The following ALLC variants were observed in gnomAD, a reference collection of about 807,000 sequenced individuals.
ALLC encodes allantoicase.
A neutral mutation model predicts 45.0 loss-of-function variants in ALLC; 40 were observed. The ratio of observed to expected loss-of-function variants is 0.89; its 90% confidence interval spans 0.69 to 1.16. ALLC has a LOEUF of 1.16. Ranked by LOEUF, ALLC falls within the 50% of genes most tolerant of loss-of-function variation. The pLI, the probability that ALLC is intolerant of heterozygous loss-of-function variation, is 0.00. For missense variants in ALLC, 488 were observed against 493.1 expected (o/e 0.99, Z 0.10); for synonymous variants, 176 against 178.1 (o/e 0.99, Z 0.09).
chr2:3,685,844 G>A (rs543081024), intron 7 of ALLC, among the ~76,000 whole-genome samples: 1 of 151,094 alleles, frequency 6.6e-6, no homozygotes, highest in African/African-American at 2.4e-5. Context: ...TTGCTACTGA[G>A]TTGTTAGCTA....
intron 2 of ALLC, among the ~76,000 whole-genome samples, chr2:3,672,954 G>T (rs991732749): frequency 2.0e-5 from 3 of 152,152 alleles, no homozygotes; most frequent in African/African-American, 7.2e-5. Flanking sequence ...CTACACTCTA[G>T]CAGGGAGACA....
chr2:3,697,707 C>T (rs912572277), intron 10 of ALLC, among the ~76,000 whole-genome samples: 2 of 151,760 alleles, frequency 1.3e-5, no homozygotes, highest in African/African-American at 2.4e-5. Flanking sequence ...GCTGTGTCGC[C>T]CAGCCTGGAG....
intron 1 of ALLC, among the ~76,000 whole-genome samples, chr2:3,659,294 G>GA (rs939862733): frequency 6.6e-6 from 1 of 152,000 alleles, no homozygotes; most frequent in Non-Finnish European, 1.5e-5. Flanking sequence ...AATCTCAAAA[G>GA]AAAAAATAGT....
the ALLC span, among the ~76,000 whole-genome samples, chr2:3,652,715 T>A: frequency 6.6e-6 from 1 of 151,296 alleles, no homozygotes; most frequent in African/African-American, 2.4e-5. Flanking sequence ...CCCAAGTAGC[T>A]GGGACTATAG....
intron 1 of ALLC, among the ~76,000 whole-genome samples, chr2:3,666,309 G>A (rs1051004812): frequency 3.9e-5 from 6 of 152,238 alleles, no homozygotes; most frequent in Admixed American, 6.5e-5. Flanking sequence ...CCAGAGAACC[G>A]CTGGTGTATC....
At chr2:3,654,819 A>G (rs552546400), upstream of ALLC, among the ~76,000 whole-genome samples, 1 of 152,346 alleles carries the variant, frequency 6.6e-6, no homozygotes, top group East Asian at 1.9e-4. Context: ...GGGCATTTGC[A>G]ACTCTGCCTG....
chr2:3,648,339 G>C, the ALLC span, among the ~76,000 whole-genome samples: 3 of 152,184 alleles, frequency 2.0e-5, no homozygotes, highest in East Asian at 5.8e-4. Context: ...TCACATGCTC[G>C]AGGCTGCTCT....
At chr2:3,659,225 G>T (rs1488757207) in intron 1 of ALLC, among the ~76,000 whole-genome samples, 1 of 152,082 alleles carries the variant, frequency 6.6e-6, no homozygotes, top group Non-Finnish European at 1.5e-5. Flanking sequence ...TCAGAGGGAG[G>T]TCTCTCTTTC....
upstream of ALLC, among the ~76,000 whole-genome samples, chr2:3,655,319 C>A (rs1572498242): frequency 6.6e-6 from 1 of 152,300 alleles, no homozygotes; most frequent in East Asian, 1.9e-4. Context: ...AAGAATGGGG[C>A]GTGGATGCAG....
At chr2:3,692,557 T>G (rs748653159) in intron 7 of ALLC, among the ~76,000 whole-genome samples, 1 of 152,216 alleles carries the variant, frequency 6.6e-6, no homozygotes, top group Non-Finnish European at 1.5e-5. Flanking sequence ...TTTTCAGCAC[T>G]AGATGGCACC....
intron 1 of ALLC, 118 bp from the exon 2 acceptor site, chr2:3,670,978 T>C: frequency 3.2e-6 from 2 of 630,114 alleles, no homozygotes; most frequent in Non-Finnish European, 2.8e-6. Flanking sequence ...TGACAGTACA[T>C]CCAGTTCTGT....
At chr2:3,664,476 A>G (rs1315197939) in intron 1 of ALLC, among the ~76,000 whole-genome samples, 2 of 152,220 alleles carry the variant, frequency 1.3e-5, no homozygotes, top group African/African-American at 4.8e-5. Flanking sequence ...CCTGTTCTCT[A>G]GAGAAGCTTG....
intron 1 of ALLC, among the ~76,000 whole-genome samples, chr2:3,668,963 G>C (rs1199650442): frequency 1.3e-5 from 2 of 152,136 alleles, no homozygotes; most frequent in Non-Finnish European, 2.9e-5. Flanking sequence ...CCACTGTCCA[G>C]CAGTAACAAT....
At chr2:3,660,541 T>G (rs1164028831) in intron 1 of ALLC, among the ~76,000 whole-genome samples, 1 of 150,870 alleles carries the variant, frequency 6.6e-6, no homozygotes, top group East Asian at 1.9e-4. Flanking sequence ...GAATATCAAT[T>G]TTTTTTTTCT....
chr2:3,681,189 A>T, intron 5 of ALLC, among the ~76,000 whole-genome samples: 1 of 152,140 alleles, frequency 6.6e-6, no homozygotes, highest in Non-Finnish European at 1.5e-5. Flanking sequence ...TAAAAGCGGA[A>T]ATGACCAGTG....
chr2:3,658,832 A>G (rs1358803424), intron 1 of ALLC, among the ~76,000 whole-genome samples: 1 of 148,486 alleles, frequency 6.7e-6, no homozygotes, highest in Non-Finnish European at 1.5e-5. Flanking sequence ...AGCCAAGATC[A>G]TGCCACTGTA....
At chr2:3,700,854 AT>A (rs1384052801) in intron 10 of ALLC, among the ~76,000 whole-genome samples, 1 of 152,122 alleles carries the variant, frequency 6.6e-6, no homozygotes, top group African/African-American at 2.4e-5. Context: ...AGGGTTCTTG[AT>A]TAGCAGCTCC....
chr2:3,651,653 T>A, the ALLC span, among the ~76,000 whole-genome samples: 2 of 151,890 alleles, frequency 1.3e-5, no homozygotes, highest in African/African-American at 2.4e-5. Flanking sequence ...AAGGTCACTT[T>A]GGCCGTTGAT....
At chr2:3,668,054 C>T (rs1038412148) in intron 1 of ALLC, among the ~76,000 whole-genome samples, 2 of 152,124 alleles carry the variant, frequency 1.3e-5, no homozygotes, top group Non-Finnish European at 2.9e-5. Context: ...TGTGAGCCAC[C>T]GCATCAGGAC....
Sources: gnomAD v4.1 joint callset for allele counts (sites outside exome capture counted in the v4.1 genomes callset) on GRCh38, gnomAD v4.1.1 for gene constraint, MANE v1.5 for transcripts, NCBI Gene and HGNC (gene_info 2026-07-23, HGNC 2026-07-21) for gene names.